Variants in IRAK1 observed in about 807,000 individuals in gnomAD.
IRAK1 encodes interleukin 1 receptor associated kinase 1.
IRAK1 carries 9 observed loss-of-function variants against 49.8 expected under a neutral mutation model. That is an observed-to-expected ratio of 0.18 (90% CI 0.11 to 0.32). The LOEUF (loss-of-function observed/expected upper bound fraction) is 0.32, where lower values mean the gene tolerates loss of function less well. Ranked by LOEUF, IRAK1 falls within the 10% of genes least tolerant of loss-of-function variation. The pLI is 1.00. For synonymous variants in IRAK1, 282 were observed against 270.8 expected (o/e 1.04, Z -0.41); for missense variants, 418 against 600.5 (o/e 0.70, Z 3.18).
Position 154,011,052 on chromosome X carries a change from G to T in IRAK1, c.*807C>A, listed in dbSNP as rs1279222367. 1 of 342,592 alleles carries T rather than the reference G, an allele frequency of 2.9e-6. No homozygotes were observed. The highest frequency in any genetic ancestry group is 2.6e-5 in the South Asian group (1 of 38,596). 28.2% of individuals were successfully genotyped at this position (342,592 alleles called of 1,213,427 possible). A position where few individuals can be genotyped will look rare whatever the true frequency, so the allele number is the denominator to read the frequency against. ...AGAATTCTCGCTTCTTGCTAGGACT[G>T]AACCATGAGACTTACAGCCATACTT... is the stretch of plus-strand genomic sequence containing the variant. On this transcript the variant is annotated 3_prime_UTR_variant, in exon 14 of 14. Coordinates refer to ENST00000369980, the MANE Select transcript of IRAK1 (RefSeq NM_001569.4).
intron 10 of IRAK1, among the ~76,000 whole-genome samples, chrX:154,014,936 C>T (rs890526187): frequency 7.2e-5 from 8 of 111,262 alleles, no homozygotes; most frequent in African/African-American, 2.6e-4. Flanking sequence ...AAGGAAAGCG[C>T]CCCACAGAGA....
intron 7 of IRAK1, 132 bp downstream of exon 7, chrX:154,017,874 T>C: frequency 2.6e-6 from 1 of 388,297 alleles, no homozygotes; most frequent in Non-Finnish European, 4.6e-6. Flanking sequence ...GCTGGGGAGC[T>C]GGAAGTGCAG....
chrX:154,013,302 C>G lies in IRAK1; in HGVS notation c.1671G>C (p.Gly557=). 2.5e-6 allele frequency: 3 copies of G among 1,209,139 alleles called. No homozygotes were observed. The highest frequency in any genetic ancestry group is 2.2e-6 in the Non-Finnish European group (2 of 894,857). The part of the protein sequence containing the change: ...YVSSTGRAHS[G]AAPWQPLAAP... The stretch of plus-strand genomic sequence containing the variant: ...CTGCCAGGGGCTGCCATGGAGCAGC[C>G]CCACTGTGGGCTCTGCCAGTGCTGG... Residue 557 remains glycine, a synonymous_variant, in exon 12 of 14, where the codon GGG becomes GGC. Coordinates refer to ENST00000369980, the MANE Select transcript of IRAK1 (RefSeq NM_001569.4).
Position 154,016,563 on chromosome X carries a change from G to A in IRAK1, c.1110C>T (p.Ser370=), listed in dbSNP as rs140298750. Residue 370 remains serine (S), a synonymous_variant, in exon 9 of 14, where the codon TCC becomes TCT. Transcript: ENST00000369980. ...CCACCATGCTGCTCTGGCTGGGGCT[G>A]GACCCGGCAAAGCGGCTGAACCGGG... is the stretch of plus-strand genomic sequence containing the variant. ...GLARFSRFAG[S]SPSQSSMVAR... is the part of the protein sequence containing the mutation. The A allele has an allele frequency of 4.1e-6, 5 of 1,211,142 alleles. No individual in the cohort carries two copies. The African/African-American group carries it at 8.7e-5, about 21-fold the overall frequency.
chrX:154,016,904 T>G, intron 8 of IRAK1, 45 bp downstream of exon 8: 3 of 1,001,386 alleles, frequency 3.0e-6, no homozygotes, highest in African/African-American at 1.9e-5. Context: ...GGGGCCCCCC[T>G]TGCTGCAGGC....
rs149773870 is a variant in IRAK1, at chrX:154,012,535, G to C, written c.2074C>G (p.Leu692Val). 3 of 1,207,380 alleles carry C rather than the reference G, an allele frequency of 2.5e-6. No individual in the cohort carries two copies. In the African/African-American group the frequency reaches 5.2e-5, roughly 21 times the overall value. The change falls in exon 13 of 14, where the codon CTC becomes GTC. Residue 692 changes from leucine to valine, a missense_variant. Transcript: ENST00000369980. ...DSLQLLSSSSLPGLGLEQDRQ... is the reference protein window; with the variant it reads ...DSLQLLSSSSVPGLGLEQDRQ... Reference sequence around the variant, plus strand: ...CCAGCCTGGGCGGCAGCACCTGGGAGGGAGCTGGACGACAGCAGCTGCAGG... The same window carrying C: ...CCAGCCTGGGCGGCAGCACCTGGGACGGAGCTGGACGACAGCAGCTGCAGG...
chrX:154,017,979 G>A (rs200262522), intron 7 of IRAK1, 27 bp downstream of exon 7: 2 of 1,085,142 alleles, frequency 1.8e-6, no homozygotes, highest in Non-Finnish European at 2.6e-6. Context: ...TGGGTCCTGG[G>A]AAGCGTGCCG....
intron 3 of IRAK1, 23 bp downstream of exon 3, chrX:154,019,174 G>A: frequency 1.7e-6 from 2 of 1,211,238 alleles, no homozygotes; most frequent in Non-Finnish European, 2.2e-6. Flanking sequence ...GGTCCACCGA[G>A]CCTAACAACC....
At chrX:154,012,897 G>T in intron 12 of IRAK1, 146 bp downstream of exon 12, 1 of 812,502 alleles carries the variant, frequency 1.2e-6, no homozygotes. Context: ...GATGTGGCCT[G>T]GGGAGGGGAA....
At chrX:154,015,437 AGAG>A (rs1297484612) in intron 10 of IRAK1, among the ~76,000 whole-genome samples, 3 of 112,709 alleles carry the variant, frequency 2.7e-5, no homozygotes, top group African/African-American at 9.7e-5. Context: ...GCCCCAAACA[AGAG>A]GAGAAGCAGT....
intron 5 of IRAK1, 65 bp from the exon 6 acceptor site, chrX:154,018,420 C>G: frequency 9.9e-6 from 10 of 1,011,877 alleles, no homozygotes; most frequent in Non-Finnish European, 1.4e-5. Context: ...GCTCTCGAAG[C>G]GAAGGCCTTC....
rs1332676524 is a variant in IRAK1, at chrX:154,011,696, T to C, written c.*163A>G. 1 of 544,892 alleles carries C rather than the reference T, an allele frequency of 1.8e-6. No individual in the cohort carries two copies. Among genetic ancestry groups the C allele is most frequent in the African/African-American group, 2.2e-5 (1 of 45,274 alleles). The allele number at this position is 544,892 out of a possible 1,213,427, so 44.9% of individuals were successfully genotyped here. A position where few individuals can be genotyped will look rare whatever the true frequency, so the allele number is the denominator to read the frequency against. ...GGCAGGGTTCCACTCTGCCTGCCTA[T>C]GCCCACAGAGCCTAGAACAGCAGGG... On this transcript the variant is annotated 3_prime_UTR_variant, in exon 14 of 14. Coordinates refer to ENST00000369980, the MANE Select transcript of IRAK1 (RefSeq NM_001569.4).
At position 154,016,458 on chromosome X, in the gene IRAK1, C is replaced by T. The variant is rs781987419; in HGVS notation, c.1215G>A (p.Thr405=). 19 of 1,210,220 alleles carry T rather than the reference C, an allele frequency of 1.6e-5. No individual in the cohort carries two copies. Among genetic ancestry groups the T allele is most frequent in the South Asian group, 1.4e-4 (8 of 56,916 alleles). The change falls in exon 9 of 14, where the codon ACG becomes ACA. Residue 405 remains threonine, a synonymous_variant. Transcript: ENST00000369980. ...TCACCACCCCAAAGCTGAAGGTGTCCGTGTCCACAGCCAGCCTTCCCGTCT... is the reference window on the plus strand; with the variant it reads ...TCACCACCCCAAAGCTGAAGGTGTCTGTGTCCACAGCCAGCCTTCCCGTCT... ...YIKTGRLAVD[T]DTFSFGVVVL...
intron 7 of IRAK1, among the ~76,000 whole-genome samples, chrX:154,017,344 C>T (rs781980702): frequency 2.1e-4 from 24 of 112,594 alleles, no homozygotes; most frequent in Middle Eastern, 4.6e-3. Flanking sequence ...TCCCGCTCTC[C>T]CCAAACGCAG....
At chrX:154,018,564 G>A in intron 5 of IRAK1, 35 bp downstream of exon 5, 2 of 1,108,668 alleles carry the variant, frequency 1.8e-6, no homozygotes, top group Non-Finnish European at 1.2e-6. Context: ...TTATCTGATG[G>A]CCTTCCAGGG....
chrX:154,015,926 A>G lies in IRAK1; in HGVS notation c.1302+106T>C, dbSNP rs2065735698. The G allele has an allele frequency of 4.6e-6, 3 of 658,205 alleles. No homozygotes were observed. The Admixed American group carries it at 7.0e-5, about 15-fold the overall frequency. The allele number at this position is 658,205 out of a possible 1,213,427, so 54.2% of individuals were successfully genotyped here. ...TCAAAAATGAGGCCACTGTGGCAGC[A>G]GAGGCATCCATGGGCACTGCGCCCC... On this transcript the variant is annotated intron_variant, in intron 10 of 13. Transcript: ENST00000369980.
chrX:154,015,253 G>A (rs1164094822), intron 10 of IRAK1, among the ~76,000 whole-genome samples: 7 of 112,133 alleles, frequency 6.2e-5, no homozygotes, highest in Non-Finnish European at 1.1e-4. Context: ...CACTTTGGCT[G>A]CAGGGTGGGG....
intron 9 of IRAK1, 60 bp from the exon 10 acceptor site, chrX:154,016,157 G>A: frequency 3.0e-6 from 3 of 984,526 alleles, no homozygotes; most frequent in South Asian, 3.9e-5. Context: ...GGCCTCTGGT[G>A]TGGACATGGA....
At chrX:154,015,202 C>A (rs1336514447) in intron 10 of IRAK1, among the ~76,000 whole-genome samples, 1 of 112,253 alleles carries the variant, frequency 8.9e-6, no homozygotes, top group East Asian at 2.8e-4. Context: ...TGGGCCTTCA[C>A]CCCAAGAGCA....
Sources: gnomAD v4.1 joint callset for allele counts (sites outside exome capture counted in the v4.1 genomes callset) on GRCh38, gnomAD v4.1.1 for gene constraint, MANE v1.5 for transcripts, NCBI Gene and HGNC (gene_info 2026-07-23, HGNC 2026-07-21) for gene names.